Variants in DDX10 observed in about 807,000 individuals in gnomAD.
The protein encoded by DDX10 is probable ATP-dependent RNA helicase DDX10.
A neutral mutation model predicts 104.3 loss-of-function variants in DDX10; 74 were observed. The ratio of observed to expected loss-of-function variants is 0.71; its 90% CI spans 0.59 to 0.86. The LOEUF (loss-of-function observed/expected upper bound fraction) is 0.86. DDX10 is among the 40% of genes least tolerant of loss of function. The pLI is 0.00. For missense variants in DDX10, 952 were observed against 1,040.0 expected, an observed-to-expected ratio of 0.92 and a Z score of 1.16; for synonymous variants, 351 against 353.4, an observed-to-expected ratio of 0.99 and a Z score of 0.08.
At chr11:108,812,045 A>G (rs549912218) in intron 13 of DDX10, among the ~76,000 whole-genome samples, 26 of 152,294 alleles carry the variant, frequency 1.7e-4, no homozygotes, top group Non-Finnish European at 3.5e-4. Context: ...ACAGTTAGAT[A>G]TAAGCAAGTT....
chr11:108,679,543 T>C lies in DDX10; in HGVS notation c.831T>C (p.His277=), dbSNP rs2094231725. 4 of 1,601,950 alleles carry C rather than the reference T, an allele frequency of 2.5e-6. No homozygotes were observed. Among genetic ancestry groups the C allele is most frequent in the Middle Eastern group, 1.7e-4 (1 of 5,978 alleles). The change falls in exon 6 of 18, where the codon CAT becomes CAC. Residue 277 remains histidine (H), a synonymous_variant. Transcript: ENST00000322536. ...SLKNPEYVWV[H]EKAKYSTPAT... ...AAAACCCTGAGTATGTCTGGGTTCA[T>C]GAAAAAGCAAAATATAGGTATGTAC...
intron 13 of DDX10, among the ~76,000 whole-genome samples, chr11:108,739,287 A>G (rs1186778569): frequency 6.6e-6 from 1 of 152,182 alleles, no homozygotes; most frequent in Non-Finnish European, 1.5e-5. Flanking sequence ...GATGAACATG[A>G]ATTCCAGAGA....
intron 13 of DDX10, among the ~76,000 whole-genome samples, chr11:108,837,620 T>TTTTTTTTTTTTTTTTG (rs1862574187): frequency 8.7e-6 from 1 of 114,922 alleles, no homozygotes; most frequent in African/African-American, 3.5e-5. Context: ...TTTTTTTTTT[T>TTTTTTTTTTTTTTTTG]TTTTTTTTTT....
intron 16 of DDX10, among the ~76,000 whole-genome samples, chr11:108,900,139 G>C (rs570860051): frequency 6.6e-6 from 1 of 151,470 alleles, no homozygotes; most frequent in Non-Finnish European, 1.5e-5. Flanking sequence ...TGGTTCTTCC[G>C]TCCTCCCCTC....
chr11:108,758,965 T>C lies in DDX10; in HGVS notation c.1965+35503T>C, dbSNP rs369088697. Among the ~76,000 whole-genome samples, 8 of 152,210 alleles carry C rather than the reference T, an allele frequency of 5.3e-5. No individual in the cohort carries two copies. The South Asian group carries it at 8.3e-4, about 16-fold the overall frequency. On this transcript the variant is annotated intron_variant, in intron 13 of 17. Transcript: ENST00000322536. ...AGTTGCTCTAGTTAAGTCATAATTG[T>C]GCCTCTAAGCTGCCTTTATGGTGGC... is the stretch of plus-strand genomic sequence containing the variant.
chr11:108,712,570 G>T (rs992459252), intron 10 of DDX10, among the ~76,000 whole-genome samples: 1 of 151,652 alleles, frequency 6.6e-6, no homozygotes, highest in Non-Finnish European at 1.5e-5. Context: ...ACCTTATAAC[G>T]TAATTCTGAT....
intron 13 of DDX10, among the ~76,000 whole-genome samples, chr11:108,828,890 C>T (rs1049596278): frequency 7.2e-5 from 11 of 152,166 alleles, no homozygotes; most frequent in Non-Finnish European, 1.5e-4. Flanking sequence ...TCCCAAAGTG[C>T]TGGGATTATA....
intron 16 of DDX10, among the ~76,000 whole-genome samples, chr11:108,905,333 C>A (rs2134652358): frequency 6.8e-6 from 1 of 146,780 alleles, no homozygotes; most frequent in East Asian, 2.0e-4. Context: ...GGTTGAAATC[C>A]TGTGATCCAG....
At position 108,838,420 on chromosome 11, in the gene DDX10, T is replaced by C. The variant is rs1039406873; in HGVS notation, c.1966-26T>C. ...TAAAGCAACCATTTTCCTAATCATC[T>C]GTGTTTTTTGTATGTTCTCACACAG... On this transcript the variant is annotated intron_variant, in intron 13 of 17. Transcript: ENST00000322536. 3.1e-6 allele frequency: 5 copies of C among 1,594,206 alleles called. No homozygotes were observed. In the African/African-American group the frequency reaches 6.8e-5, roughly 22 times the overall value.
intron 17 of DDX10, among the ~76,000 whole-genome samples, chr11:108,931,412 A>G (rs1008040371): frequency 8.5e-5 from 13 of 152,240 alleles, no homozygotes; most frequent in Non-Finnish European, 1.0e-4. Flanking sequence ...GCCAGGGTTT[A>G]AATCGGGTCA....
chr11:108,733,433 A>G (rs549784676), intron 13 of DDX10, among the ~76,000 whole-genome samples: 6 of 152,216 alleles, frequency 3.9e-5, no homozygotes, highest in South Asian at 2.1e-4. Context: ...ACATCTATCA[A>G]TTTTTTTATA....
intron 16 of DDX10, among the ~76,000 whole-genome samples, chr11:108,864,859 A>AT (rs1862988703): frequency 6.6e-6 from 1 of 152,134 alleles, no homozygotes; most frequent in Non-Finnish European, 1.5e-5. Flanking sequence ...ATGAGGGTAA[A>AT]TGTAAGCCCA....
At chr11:108,684,336 G>A (rs2094240128) in intron 6 of DDX10, among the ~76,000 whole-genome samples, 2 of 141,356 alleles carry the variant, frequency 1.4e-5, no homozygotes, top group African/African-American at 5.2e-5. Context: ...ATCTCCCAAT[G>A]CTATCCCTCC....
chr11:108,670,524 G>A (rs545909660), intron 1 of DDX10, among the ~76,000 whole-genome samples: 1 of 152,174 alleles, frequency 6.6e-6, no homozygotes, highest in Admixed American at 6.5e-5. Flanking sequence ...GGAGCAGCCC[G>A]GGGGAAGCAT....
intron 16 of DDX10, among the ~76,000 whole-genome samples, chr11:108,914,378 A>T (rs1054849825): frequency 6.6e-6 from 1 of 152,222 alleles, no homozygotes; most frequent in African/African-American, 2.4e-5. Flanking sequence ...GAATCGCCAG[A>T]GGCAGCCACA....
rs779264219 is a variant in DDX10, at chr11:108,831,421, CAAAAA to C, written c.1966-7005_1966-7001del. 1.7e-4 allele frequency among the ~76,000 whole-genome samples: 12 copies of C among 69,812 alleles called. No homozygotes were observed. In the South Asian group the frequency reaches 7.2e-3, roughly 42 times the overall value. 45.8% of individuals were successfully genotyped at this position (69,812 alleles called of 152,430 possible). On this transcript the variant is annotated intron_variant, in intron 13 of 17. Coordinates refer to ENST00000322536, the MANE Select transcript of DDX10 (RefSeq NM_004398.4). ...GCCTGGTGACAGAGCGAGACTGTCT[CAAAAA>C]AAAAAAAAAAAAAAAAAAAGAAATG...
At chr11:108,864,199 G>T (rs1468130269) in intron 16 of DDX10, among the ~76,000 whole-genome samples, 1 of 152,148 alleles carries the variant, frequency 6.6e-6, no homozygotes, top group African/African-American at 2.4e-5. Context: ...TTCGTTCTCA[G>T]ATACTTAGGA....
intron 13 of DDX10, among the ~76,000 whole-genome samples, chr11:108,813,863 C>G (rs1436919370): frequency 6.6e-6 from 1 of 152,006 alleles, no homozygotes; most frequent in Non-Finnish European, 1.5e-5. Context: ...ATCTGAAAAC[C>G]TTATGTATTT....
intron 7 of DDX10, among the ~76,000 whole-genome samples, chr11:108,691,574 C>T (rs1202224237): frequency 6.6e-6 from 1 of 152,034 alleles, no homozygotes; most frequent in African/African-American, 2.4e-5. Context: ...CCTATGGCCA[C>T]AGGAAATTAA....
Sources: gnomAD v4.1 joint callset for allele counts (sites outside exome capture counted in the v4.1 genomes callset) on GRCh38, gnomAD v4.1.1 for gene constraint, MANE v1.5 for transcripts, NCBI Gene and HGNC (gene_info 2026-07-23, HGNC 2026-07-21) for gene names.